Variants in ESPN observed in about 807,000 individuals in gnomAD.
The protein encoded by ESPN is espin.
ESPN carries 68 observed loss-of-function variants against 77.7 expected under a neutral mutation model. The observed-to-expected ratio is 0.87, with a 90% CI of 0.72 to 1.07. ESPN has a LOEUF of 1.07. Among genes scored for constraint, ESPN ranks in the 50% least tolerant of loss-of-function variants. The probability of loss-of-function intolerance (pLI) is 0.00; values close to 1 mark genes in which losing one functional copy is unlikely to be tolerated. For missense variants in ESPN, 1,060 were observed against 1,239.0 expected (o/e 0.86, Z 2.17); for synonymous variants, 449 against 567.1 (o/e 0.79, Z 2.96).
At chr1:6,435,984 C>T (rs1569618063) in intron 2 of ESPN, among the ~76,000 whole-genome samples, 2 of 152,180 alleles carry the variant, frequency 1.3e-5, no homozygotes, top group South Asian at 2.1e-4. Context: ...CTCAAAGGCA[C>T]GGGACTTGAG....
rs1388447844 is a variant in ESPN, at chr1:6,449,097, T to A, written c.1915+6T>A. 5 of 1,478,478 alleles carry A rather than the reference T, an allele frequency of 3.4e-6. No homozygotes were observed. The highest frequency in any genetic ancestry group is 1.5e-5 in the African/African-American group (1 of 68,516). 91.6% of individuals were successfully genotyped at this position (1,478,478 alleles called of 1,614,324 possible). A position where few individuals can be genotyped will look rare whatever the true frequency, so the allele number is the denominator to read the frequency against. ...CTCCTCCTCGTCCACCGGCAGTGAG[T>A]AGGGGCAGGTTGAGGGGCGTGGGGC... On this transcript the variant is annotated splice_donor_region_variant and intron_variant, in intron 8 of 12. Transcript: ENST00000645284.
chr1:6,450,606 A>T lies in ESPN; in HGVS notation c.1916-997A>T, dbSNP rs139604386. On this transcript the variant is annotated intron_variant, in intron 8 of 12. Transcript: ENST00000645284. This position sits in a 1 kb window ranked among gnomAD's most constrained non-coding sequence, Gnocchi z 4.3. ...GGGCTGGCAGGCGAGAGAACCTCGA[A>T]GAATGGGTGGGGCCTTGCACCTCAT... 6,314 of 258,700 alleles carry T rather than the reference A, an allele frequency of 0.024. 407 individuals are homozygous for T. Among genetic ancestry groups the T allele is most frequent in the African/African-American group, 0.14 (5,926 of 42,984 alleles). The allele number at this position is 258,700 out of a possible 1,614,324, so 16.0% of individuals were successfully genotyped here. A position where few individuals can be genotyped will look rare whatever the true frequency, so the allele number is the denominator to read the frequency against.
At position 6,427,304 on chromosome 1, in the gene ESPN, G is replaced by A. The variant is rs936429807; in HGVS notation, c.295-922G>A. On this transcript the variant is annotated intron_variant, in intron 1 of 12. Transcript: ENST00000645284. The surrounding 1 kb of genome is among the most constrained non-coding windows in gnomAD (Gnocchi z 4.6). ...CTGTTCCCGAACCAGTACCCACTCT[G>A]CCAAGTGCGGCAGCCTCTGTGTCTA... Among the ~76,000 whole-genome samples the A allele has an allele frequency of 1.3e-5, 2 of 152,072 alleles. No homozygotes were observed. Among genetic ancestry groups the A allele is most frequent in the African/African-American group, 4.8e-5 (2 of 41,402 alleles).
chr1:6,455,719 G>A, intron 10 of ESPN: 2 of 399,090 alleles, frequency 5.0e-6, no homozygotes, highest in Middle Eastern at 1.3e-3. Context: ...CACCTACTGT[G>A]CTACGAGATG....
At chr1:6,443,750 G>C (rs1202448499) in intron 5 of ESPN, among the ~76,000 whole-genome samples, 1 of 152,242 alleles carries the variant, frequency 6.6e-6, no homozygotes, top group Non-Finnish European at 1.5e-5. Context: ...GGGGGCCTGT[G>C]ACACTTCTTA....
rs2311042 is a variant in ESPN at position 6,447,753 on chromosome 1, G to T, written c.1465-888G>T. On this transcript the variant is annotated intron_variant, in intron 7 of 12. Coordinates refer to ENST00000645284, the MANE Select transcript of ESPN (RefSeq NM_031475.3). This position sits in a 1 kb window ranked among gnomAD's most constrained non-coding sequence, Gnocchi z 5.2. Reference sequence around the variant, plus strand: ...GGGTGGGGACGCGACCCGGAGCCGGGGGCCAAATATGAGAGGCCTCCTCTG... The same window carrying T: ...GGGTGGGGACGCGACCCGGAGCCGGTGGCCAAATATGAGAGGCCTCCTCTG... Among the ~76,000 whole-genome samples the T allele has an allele frequency of 6.6e-6, 1 of 152,142 alleles. No homozygotes were observed. Among genetic ancestry groups the T allele is most frequent in the Non-Finnish European group, 1.5e-5 (1 of 68,024 alleles).
At chr1:6,452,904 A>AT (rs141387813) in intron 10 of ESPN, among the ~76,000 whole-genome samples, 6 of 150,872 alleles carry the variant, frequency 4.0e-5, no homozygotes, top group African/African-American at 1.5e-4. Context: ...TTTATTTTTT[A>AT]TTTTTTGAGA....
intron 2 of ESPN, among the ~76,000 whole-genome samples, chr1:6,430,198 C>T (rs1643190126): frequency 6.6e-6 from 1 of 152,208 alleles, no homozygotes; most frequent in Non-Finnish European, 1.5e-5. Flanking sequence ...GCTTCATGCT[C>T]TTGTGAGCCT....
rs1381532953 is a variant in ESPN, at chr1:6,427,462, C to A, written c.295-764C>A. 6.6e-6 allele frequency among the ~76,000 whole-genome samples: 1 copy of A among 152,186 alleles called. No individual in the cohort carries two copies. The highest frequency in any genetic ancestry group is 1.5e-5 in the Non-Finnish European group (1 of 68,030). On this transcript the variant is annotated intron_variant, in intron 1 of 12. Transcript: ENST00000645284. This position sits in a 1 kb window ranked among gnomAD's most constrained non-coding sequence, Gnocchi z 4.6. ...AGTTCTGGGCCCAGACCTCTGGCCCCACCTGCTCTGAGGTCCCCGGGGGGA... is the reference window on the plus strand; with the variant it reads ...AGTTCTGGGCCCAGACCTCTGGCCCAACCTGCTCTGAGGTCCCCGGGGGGA...
At chr1:6,444,373 G>A (rs1643749264) in intron 5 of ESPN, 108 bp from the exon 6 acceptor site, 1 of 1,076,386 alleles carries the variant, frequency 9.3e-7, no homozygotes, top group African/African-American at 1.6e-5. Context: ...GAGCGGTGTG[G>A]CTTGGCCAAG....
chr1:6,456,587 C>CGTGTGCAGTGTTCTGTGTGAA (rs1644061891), intron 10 of ESPN: 1 of 176,366 alleles, frequency 5.7e-6, no homozygotes, highest in African/African-American at 2.4e-5. Flanking sequence ...AAGGGTGCCA[C>CGTGTGCAGTGTTCTGTGTGAA]GTGTGCAGTG....
chr1:6,453,030 C>A (rs868166918), intron 10 of ESPN, among the ~76,000 whole-genome samples: 3 of 152,130 alleles, frequency 2.0e-5, no homozygotes, highest in African/African-American at 7.2e-5. Flanking sequence ...GTAGCTGGGA[C>A]TACAAATGCC....
chr1:6,436,982 AG>A (rs1643461823), intron 2 of ESPN, among the ~76,000 whole-genome samples: 1 of 151,786 alleles, frequency 6.6e-6, no homozygotes, highest in South Asian at 2.1e-4. Flanking sequence ...ATGTTGAGCC[AG>A]GATCCCCTCC....
chr1:6,439,253 C>G (rs1024241303), intron 2 of ESPN, among the ~76,000 whole-genome samples: 1 of 152,236 alleles, frequency 6.6e-6, no homozygotes, highest in Non-Finnish European at 1.5e-5. Context: ...GGACGTTTGA[C>G]TAGCTTTGAA....
intron 3 of ESPN, 25 bp from the exon 4 acceptor site, chr1:6,440,601 C>CCCAAA: frequency 8.0e-7 from 1 of 1,253,550 alleles, no homozygotes; most frequent in Non-Finnish European, 1.1e-6. Context: ...GCCCCCGCCC[C>CCCAAA]CCTCTCCCCG....
chr1:6,451,627 C>A lies in ESPN; in HGVS notation c.1940C>A (p.Ser647Tyr). Residue 647 changes from serine (S) to tyrosine (Y), a missense_variant, in exon 9 of 13, where the codon TCC becomes TAC. This residue lies in a region of ESPN where 374 missense variants were observed against 381.4 expected (regional missense o/e 0.98). Coordinates refer to ENST00000645284, the MANE Select transcript of ESPN (RefSeq NM_031475.3). This position sits in a 1 kb window ranked among gnomAD's most constrained non-coding sequence, Gnocchi z 4.3. Reference sequence around the variant, plus strand: ...GGCACCAAGTCTTTCAACATGATGTCCCCGACGGGCGACAACTCGGAGCTA... The same window carrying A: ...GGCACCAAGTCTTTCAACATGATGTACCCGACGGGCGACAACTCGGAGCTA... ...TGSTKSFNMM[S>Y]PTGDNSELLA... 2 of 1,613,136 alleles carry A rather than the reference C, an allele frequency of 1.2e-6. No individual in the cohort carries two copies. Among genetic ancestry groups the A allele is most frequent in the Non-Finnish European group, 1.7e-6 (2 of 1,179,902 alleles).
chr1:6,459,537 A>G (rs1644117939), intron 12 of ESPN, among the ~76,000 whole-genome samples: 1 of 152,174 alleles, frequency 6.6e-6, no homozygotes, highest in African/African-American at 2.4e-5. Flanking sequence ...CAACAGGCAG[A>G]TCTACCCTCT....
In ESPN at chr1:6,457,241, C is replaced by T. The variant is rs1436366629; in HGVS notation, c.2383C>T (p.Arg795Trp). ...GCCCGCCTGGAGGCGGGACCTCCTGCGGAAGAAGCTGGAAGAAGAGAGGTG... is the reference window on the plus strand; with the variant it reads ...GCCCGCCTGGAGGCGGGACCTCCTGTGGAAGAAGCTGGAAGAAGAGAGGTG... ...SMPAWRRDLL[R>W]KKLEEEREQK... is the part of the protein sequence containing the mutation. The change falls in exon 11 of 13, where the codon CGG becomes TGG. Residue 795 changes from arginine to tryptophan, a missense_variant. Around this residue, in one of 3 missense-constraint regions of ESPN, gnomAD observed 374 missense variants for 381.4 expected, o/e 0.98. Transcript: ENST00000645284. The T allele has an allele frequency of 5.0e-6, 8 of 1,613,660 alleles. No homozygotes were observed. The highest frequency in any genetic ancestry group is 2.7e-5 in the African/African-American group (2 of 75,042).
At chr1:6,458,093 C>T (rs1013209899) in intron 12 of ESPN, among the ~76,000 whole-genome samples, 4 of 151,746 alleles carry the variant, frequency 2.6e-5, no homozygotes, top group Non-Finnish European at 4.4e-5. Flanking sequence ...GATCTGGGCT[C>T]ATGCAACCTC....
Sources: allele counts gnomAD v4.1 joint callset (sites outside exome capture counted in the v4.1 genomes callset), GRCh38; gene constraint gnomAD v4.1.1; regional missense constraint gnomAD v4.1.1; non-coding constraint Gnocchi (gnomAD v3.1); transcripts MANE v1.5; gene names NCBI Gene and HGNC (gene_info 2026-07-23, HGNC 2026-07-21).